Variants in CNTNAP2 observed in about 807,000 individuals in gnomAD.
CNTNAP2 encodes the protein contactin-associated protein-like 2.
A neutral mutation model predicts 155.2 loss-of-function variants in CNTNAP2; 98 were observed. That is an observed-to-expected ratio of 0.63 (90% CI 0.54 to 0.75). The LOEUF is 0.75. Ranked by LOEUF, CNTNAP2 falls within the 30% of genes least tolerant of loss-of-function variation. The probability of loss-of-function intolerance (pLI) is 0.00; values close to 1 mark genes in which losing one functional copy is unlikely to be tolerated. For missense variants in CNTNAP2, 1,727 were observed against 1,688.1 expected (o/e 1.02, Z -0.40); for synonymous variants, 651 against 631.2 (o/e 1.03, Z -0.47).
chr7:147,323,302 C>CA (rs1410147713), intron 9 of CNTNAP2, among the ~76,000 whole-genome samples: 1 of 121,586 alleles, frequency 8.2e-6, no homozygotes, highest in Non-Finnish European at 1.6e-5. Context: ...TTTCAAAGAA[C>CA]ATCTGTATTT....
At chr7:147,808,178 G>A (rs1798123767) in intron 13 of CNTNAP2, among the ~76,000 whole-genome samples, 1 of 151,974 alleles carries the variant, frequency 6.6e-6, no homozygotes, top group Non-Finnish European at 1.5e-5. Context: ...GCCTCTTTCT[G>A]TAGGATACTG....
intron 1 of CNTNAP2, among the ~76,000 whole-genome samples, chr7:146,160,340 A>G (rs1798198023): frequency 1.3e-5 from 2 of 152,204 alleles, no homozygotes; most frequent in Admixed American, 1.3e-4. Flanking sequence ...AATAACCAAG[A>G]TCAGAGCAGA....
chr7:146,813,269 C>T (rs1284759677), intron 2 of CNTNAP2, among the ~76,000 whole-genome samples: 1 of 152,180 alleles, frequency 6.6e-6, no homozygotes, highest in African/African-American at 2.4e-5. Flanking sequence ...GCCACAGTCA[C>T]TCAATGCCAG....
rs1000087961 is a variant in CNTNAP2 at position 147,658,046 on chromosome 7, G to C, written c.2098+18740G>C. On this transcript the variant is annotated intron_variant, in intron 13 of 23. Coordinates refer to ENST00000361727, the MANE Select transcript of CNTNAP2 (RefSeq NM_014141.6). ...CCGAGGCGGGCGGATCACGAGGTCA[G>C]GAGATCGAGACCATCCCGGCAAAAA... 9.2e-5 allele frequency among the ~76,000 whole-genome samples: 11 copies of C among 119,210 alleles called. 2 individuals are homozygous for C. Among genetic ancestry groups the C allele is most frequent in the Non-Finnish European group, 1.9e-4 (10 of 51,686 alleles). 78.2% of individuals were successfully genotyped at this position (119,210 alleles called of 152,430 possible). A position where few individuals can be genotyped will look rare whatever the true frequency, so the allele number is the denominator to read the frequency against.
intron 14 of CNTNAP2, among the ~76,000 whole-genome samples, chr7:147,933,305 T>C (rs984232286): frequency 6.6e-6 from 1 of 152,138 alleles, no homozygotes; most frequent in African/African-American, 2.4e-5. Context: ...TATGATTTAA[T>C]AAGTCCACTT....
chr7:146,746,923 C>CT (rs149933695), intron 1 of CNTNAP2, among the ~76,000 whole-genome samples: 11,499 of 152,060 alleles, frequency 0.076, 1,331 homozygotes, highest in African/African-American at 0.25. Flanking sequence ...TTCCTATTAT[C>CT]TTTTTTCCAT....
intron 11 of CNTNAP2, among the ~76,000 whole-genome samples, chr7:147,487,146 G>A (rs1334136109): frequency 1.3e-5 from 2 of 151,986 alleles, no homozygotes; most frequent in East Asian, 1.9e-4. Context: ...AGAAGAAATC[G>A]TGTTTTGAAT....
chr7:146,749,381 AAG>A (rs1331905098), intron 1 of CNTNAP2, among the ~76,000 whole-genome samples: 1 of 152,180 alleles, frequency 6.6e-6, no homozygotes, highest in Non-Finnish European at 1.5e-5. Context: ...GCAAGTGGCA[AAG>A]CTAGGACTCA....
At chr7:148,270,875 T>C (rs1796765302) in intron 21 of CNTNAP2, among the ~76,000 whole-genome samples, 2 of 152,238 alleles carry the variant, frequency 1.3e-5, no homozygotes, top group Non-Finnish European at 2.9e-5. Context: ...TCTCAGAGCC[T>C]AGGTTCTCTC....
intron 3 of CNTNAP2, among the ~76,000 whole-genome samples, chr7:146,946,315 A>C (rs1797172723): frequency 6.6e-6 from 1 of 152,162 alleles, no homozygotes; most frequent in Non-Finnish European, 1.5e-5. Flanking sequence ...GATTTTTAAA[A>C]GCATAGAAAT....
At chr7:148,101,361 G>A in intron 15 of CNTNAP2, among the ~76,000 whole-genome samples, 1 of 111,586 alleles carries the variant, frequency 9.0e-6, no homozygotes, top group Non-Finnish European at 2.1e-5. Flanking sequence ...GTGTGTGTGT[G>A]TGTGTGTGTG....
intron 13 of CNTNAP2, among the ~76,000 whole-genome samples, chr7:147,816,430 TATG>T (rs1234579154): frequency 4.0e-5 from 6 of 149,106 alleles, no homozygotes; most frequent in South Asian, 2.3e-4. Context: ...TGTATTCTGA[TATG>T]ATGAAAAAAA....
intron 2 of CNTNAP2, among the ~76,000 whole-genome samples, chr7:146,838,310 T>A (rs1803655578): frequency 6.6e-6 from 1 of 152,154 alleles, no homozygotes; most frequent in South Asian, 2.1e-4. Context: ...AGTGATTTTT[T>A]AAAATTTTAT....
At chr7:148,250,062 C>A (rs748647292) in intron 20 of CNTNAP2, among the ~76,000 whole-genome samples, 2 of 152,230 alleles carry the variant, frequency 1.3e-5, no homozygotes. Flanking sequence ...GAACTAGCCC[C>A]GTGACCCTCC....
intron 14 of CNTNAP2, among the ~76,000 whole-genome samples, chr7:147,927,274 A>G (rs1355666446): frequency 6.6e-6 from 1 of 152,192 alleles, no homozygotes; most frequent in African/African-American, 2.4e-5. Flanking sequence ...ATCATATTCA[A>G]CCTGAGTAGA....
intron 11 of CNTNAP2, among the ~76,000 whole-genome samples, chr7:147,490,565 A>G (rs932186922): frequency 6.6e-6 from 1 of 152,220 alleles, no homozygotes; most frequent in African/African-American, 2.4e-5. Flanking sequence ...CTGTAGTCAT[A>G]CTAACATAGA....
chr7:146,984,031 C>T (rs1353346033), intron 3 of CNTNAP2, among the ~76,000 whole-genome samples: 1 of 152,134 alleles, frequency 6.6e-6, no homozygotes, highest in Non-Finnish European at 1.5e-5. Context: ...TGCAGACCTA[C>T]TGCCCTTCTT....
At chr7:147,985,407 C>T (rs866518822) in intron 15 of CNTNAP2, among the ~76,000 whole-genome samples, 24 of 108,042 alleles carry the variant, frequency 2.2e-4, no homozygotes, top group South Asian at 6.4e-4. Context: ...TATGTTTTTA[C>T]TTTTTTTTTT....
At chr7:148,041,198 C>A (rs2116478497) in intron 15 of CNTNAP2, among the ~76,000 whole-genome samples, 1 of 152,288 alleles carries the variant, frequency 6.6e-6, no homozygotes, top group African/African-American at 2.4e-5. Flanking sequence ...TCAGGCAAAT[C>A]AACCCCTCAG....
Sources: gnomAD v4.1 joint callset for allele counts (sites outside exome capture counted in the v4.1 genomes callset) on GRCh38, gnomAD v4.1.1 for gene constraint, MANE v1.5 for transcripts, NCBI Gene and HGNC (gene_info 2026-07-23, HGNC 2026-07-21) for gene names.